SLC44A2: variants seen among roughly 807,000 people sequenced by gnomAD.
SLC44A2 encodes solute carrier family 44 member 2 (CTL2 blood group), also known as choline transporter-like protein 2.
In SLC44A2, 57 loss-of-function variants were observed where a neutral mutation model predicts 90.8. The observed-to-expected ratio is 0.63, with a 90% confidence interval of 0.51 to 0.78. The LOEUF is 0.78. SLC44A2 is among the 30% of genes least tolerant of loss of function. The pLI is 0.00. For synonymous variants in SLC44A2, 355 were observed against 360.7 expected, an observed-to-expected ratio of 0.98 and a Z score of 0.18; for missense variants, 794 against 919.7, an observed-to-expected ratio of 0.86 and a Z score of 1.77.
At chr19:10,615,636 G>A (rs1056169661) in intron 1 of SLC44A2, among the ~76,000 whole-genome samples, 4 of 151,912 alleles carry the variant, frequency 2.6e-5, no homozygotes, top group Non-Finnish European at 4.4e-5. Context: ...AGGAAGGGGA[G>A]GGGTTGGTCT....
intron 16 of SLC44A2, chr19:10,637,007 T>A (rs1316375623): frequency 1.6e-5 from 8 of 511,876 alleles, no homozygotes; most frequent in African/African-American, 1.3e-4. Context: ...CACCATTGGT[T>A]ATTACCAGAG....
Position 10,631,345 on chromosome 19 carries a change from A to G in SLC44A2, c.401A>G (p.Tyr134Cys), listed in dbSNP as rs746365243. 2.5e-6 allele frequency: 4 copies of G among 1,614,162 alleles called. No individual in the cohort carries two copies. The highest frequency in any genetic ancestry group is 3.4e-6 in the Non-Finnish European group (4 of 1,180,038). ...LNARSSRDFE[Y>C]YKQFCVPGFK... ...GCTCGCAGCTCCCGGGACTTTGAGT[A>G]CTATAAGCAGTTCTGTGTTCCTGGC... The change falls in exon 6 of 22, where the codon TAC becomes TGC. Residue 134 changes from tyrosine to cysteine, a missense_variant. By Grantham distance (194) the Tyr-to-Cys change is radical. Coordinates refer to ENST00000335757, the MANE Select transcript of SLC44A2 (RefSeq NM_020428.4).
In SLC44A2 at chr19:10,631,324, G is replaced by A. The variant is rs754669678; in HGVS notation, c.380G>A (p.Arg127His). The A allele has an allele frequency of 5.0e-6, 8 of 1,613,986 alleles. No homozygotes were observed. In the Admixed American group the frequency reaches 8.3e-5, roughly 17 times the overall value. Residue 127 changes from arginine (R) to histidine (H), a missense_variant, in exon 6 of 22, where the codon CGC (arginine) becomes CAC (histidine). By Grantham distance (29) the Arg-to-His change is conservative (BLOSUM62 0). Coordinates refer to ENST00000335757, the MANE Select transcript of SLC44A2 (RefSeq NM_020428.4). ...CGCTACCTCACGTACCTGAATGCTC[G>A]CAGCTCCCGGGACTTTGAGTACTAT... The part of the protein sequence containing the change: ...PDRYLTYLNA[R>H]SSRDFEYYKQ...
chr19:10,631,279 G>C lies in SLC44A2; in HGVS notation c.335G>C (p.Cys112Ser). The change falls in exon 6 of 22, where the codon TGC becomes TCC. Residue 112 changes from cysteine to serine, a missense_variant. Transcript: ENST00000335757. ...CCCTTCCTTCTCCCCTCCCAGATCT[G>C]CGTGGAAAAATGCCCCGACCGCTAC... ...LEFQCPTPQI[C>S]VEKCPDRYLT... The C allele has an allele frequency of 6.2e-7, 1 of 1,614,004 alleles. No individual in the cohort carries two copies. Among genetic ancestry groups the C allele is most frequent in the Non-Finnish European group, 8.5e-7 (1 of 1,180,030 alleles).
Position 10,635,518 on chromosome 19 carries a change from G to A in SLC44A2, c.1233+3G>A. ...CTGCGAAAACCTGCAACCCAGAGGTGGGCGTCCCCGGGGTGGGGAGGGCAG... is the reference window on the plus strand; with the variant it reads ...CTGCGAAAACCTGCAACCCAGAGGTAGGCGTCCCCGGGGTGGGGAGGGCAG... On this transcript the variant is annotated splice_donor_region_variant and intron_variant, in intron 14 of 21. Coordinates refer to ENST00000335757, the MANE Select transcript of SLC44A2 (RefSeq NM_020428.4). The A allele has an allele frequency of 6.2e-7, 1 of 1,611,898 alleles. No homozygotes were observed. Among genetic ancestry groups the A allele is most frequent in the Non-Finnish European group, 8.5e-7 (1 of 1,179,388 alleles).
intron 1 of SLC44A2, among the ~76,000 whole-genome samples, chr19:10,613,649 C>A (rs2066831204): frequency 6.6e-6 from 1 of 152,066 alleles, no homozygotes; most frequent in Non-Finnish European, 1.5e-5. Context: ...GACTTTGAGA[C>A]CAGCCTGGGC....
At position 10,631,334 on chromosome 19, in the gene SLC44A2, G is replaced by C. The variant is rs1463987357; in HGVS notation, c.390G>C (p.Arg130=). The stretch of plus-strand genomic sequence containing the variant: ...CGTACCTGAATGCTCGCAGCTCCCG[G>C]GACTTTGAGTACTATAAGCAGTTCT... ...YLTYLNARSS[R]DFEYYKQFCV... is the part of the protein sequence containing the mutation. Residue 130 remains arginine (R), a synonymous_variant, in exon 6 of 22, where the codon CGG becomes CGC. Transcript: ENST00000335757. 1 of 1,614,016 alleles carries C rather than the reference G, an allele frequency of 6.2e-7. No individual in the cohort carries two copies. Among genetic ancestry groups the C allele is most frequent in the Non-Finnish European group, 8.5e-7 (1 of 1,180,044 alleles).
intron 1 of SLC44A2, among the ~76,000 whole-genome samples, chr19:10,607,671 GT>G (rs1918148915): frequency 1.3e-5 from 2 of 150,332 alleles, no homozygotes; most frequent in Admixed American, 1.3e-4. Context: ...TTGTTTATTT[GT>G]TTTGCCTAAT....
chr19:10,603,055 G>A (rs1444268402), intron 1 of SLC44A2, among the ~76,000 whole-genome samples: 1 of 152,182 alleles, frequency 6.6e-6, no homozygotes, highest in Non-Finnish European at 1.5e-5. Flanking sequence ...ACCGAGTCTG[G>A]CCAGCCGCCT....
intron 1 of SLC44A2, among the ~76,000 whole-genome samples, chr19:10,609,874 C>T (rs903224845): frequency 2.0e-5 from 3 of 152,068 alleles, no homozygotes; most frequent in African/African-American, 7.2e-5. Context: ...GGCACAATCT[C>T]GGCTGACTGC....
In SLC44A2 at chr19:10,631,768, C is replaced by A. The variant is rs765497709; in HGVS notation, c.626+19C>A. On this transcript the variant is annotated intron_variant, in intron 8 of 21. Transcript: ENST00000335757. ...GCGCCAAGTGAGGATATTGGCGCAC[C>A]GCGCCAGGGTCTCACTTTGCTGGGT... 1.2e-6 allele frequency: 2 copies of A among 1,613,958 alleles called. No homozygotes were observed. The highest frequency in any genetic ancestry group is 3.3e-5 in the Admixed American group (2 of 60,000).
intron 1 of SLC44A2, among the ~76,000 whole-genome samples, chr19:10,615,039 G>GTTTTTT (rs909040686): frequency 2.9e-5 from 4 of 137,708 alleles, no homozygotes; most frequent in African/African-American, 1.1e-4. Context: ...AAGTAATTGC[G>GTTTTTT]TTTTTTTTTT....
chr19:10,632,249 AAGTC>A (rs2067005047), intron 10 of SLC44A2, 93 bp downstream of exon 10: 5 of 1,234,766 alleles, frequency 4.0e-6, no homozygotes, highest in Non-Finnish European at 5.9e-6. Context: ...AAACAAAAAA[AAGTC>A]AGGCCGGGCG....
chr19:10,623,952 G>A (rs1287835841), upstream of SLC44A2, among the ~76,000 whole-genome samples: 1 of 151,742 alleles, frequency 6.6e-6, no homozygotes, highest in East Asian at 1.9e-4. Context: ...GCCTCCCACA[G>A]TGCTGGGATT....
chr19:10,641,434 A>T (rs1359971509), intron 20 of SLC44A2: 1 of 438,750 alleles, frequency 2.3e-6, no homozygotes, highest in Admixed American at 2.7e-5. Flanking sequence ...TAGGTGTCGT[A>T]GGTGGTTTCC....
At chr19:10,605,644 G>A (rs1341341551) in intron 1 of SLC44A2, among the ~76,000 whole-genome samples, 7 of 151,964 alleles carry the variant, frequency 4.6e-5, no homozygotes, top group East Asian at 1.9e-4. Context: ...CCAAGGTGGC[G>A]CCACTGCACT....
intron 20 of SLC44A2, among the ~76,000 whole-genome samples, chr19:10,640,808 G>A (rs756058079): frequency 1.4e-4 from 21 of 152,070 alleles, no homozygotes; most frequent in African/African-American, 2.7e-4. Context: ...TCTAGAGGCC[G>A]GGCATGGTGG....
At chr19:10,628,444 C>T (rs1467465172) in intron 4 of SLC44A2, among the ~76,000 whole-genome samples, 1 of 152,104 alleles carries the variant, frequency 6.6e-6, no homozygotes, top group Non-Finnish European at 1.5e-5. Context: ...TCCCAGCTAC[C>T]CAGCAGGCTG....
rs1311459103 is a variant in SLC44A2, at chr19:10,636,505, T to C, written c.1416T>C (p.Phe472=). The C allele has an allele frequency of 2.5e-6, 4 of 1,612,436 alleles. No individual in the cohort carries two copies. In the African/African-American group the frequency reaches 5.3e-5, roughly 21 times the overall value. Residue 472 remains phenylalanine, a synonymous_variant, in exon 15 of 22, where the codon TTT becomes TTC. Coordinates refer to ENST00000335757, the MANE Select transcript of SLC44A2 (RefSeq NM_020428.4). ...GCCAGGTCACGCTGGCCGGGGCCTTTGCCTCCTACTACTGGGCCCTGCGCA... is the reference window on the plus strand; with the variant it reads ...GCCAGGTCACGCTGGCCGGGGCCTTCGCCTCCTACTACTGGGCCCTGCGCA... ...ALGQVTLAGA[F]ASYYWALRKP... is the part of the protein sequence containing the mutation.
Sources: allele counts gnomAD v4.1 joint callset (sites outside exome capture counted in the v4.1 genomes callset), GRCh38; gene constraint gnomAD v4.1.1; transcripts MANE v1.5; gene names NCBI Gene and HGNC (gene_info 2026-07-23, HGNC 2026-07-21).